The following PLEKHG1 variants were observed in gnomAD, a reference collection of about 807,000 sequenced individuals.
The protein encoded by PLEKHG1 is pleckstrin homology domain-containing family G member 1.
A neutral mutation model predicts 100.8 loss-of-function variants in PLEKHG1; 44 were observed. That is an observed-to-expected ratio of 0.44 (90% CI 0.34 to 0.56). The LOEUF is 0.56. PLEKHG1 is among the 20% of genes least tolerant of loss of function. The pLI, the probability that PLEKHG1 is intolerant of heterozygous loss-of-function variation, is 0.01. For synonymous variants in PLEKHG1, 640 were observed against 662.5 expected (o/e 0.97, Z 0.52); for missense variants, 1,545 against 1,720.9 (o/e 0.90, Z 1.81).
At chr6:150,720,614 C>A (rs1562459895), upstream of PLEKHG1, among the ~76,000 whole-genome samples, 1 of 151,716 alleles carries the variant, frequency 6.6e-6, no homozygotes, top group African/African-American at 2.4e-5. Context: ...TATTCACACC[C>A]CACCCCCACC....
At chr6:150,768,906 A>G (rs186773114) in intron 3 of PLEKHG1, among the ~76,000 whole-genome samples, 168 bp downstream of exon 4, 2 of 152,232 alleles carry the variant, frequency 1.3e-5, no homozygotes, top group East Asian at 3.9e-4. Context: ...TTTCCTTATG[A>G]GTCTCACATG....
At chr6:150,699,648 A>C (rs1027876382) in intron 3 of PLEKHG1, among the ~76,000 whole-genome samples, 2 of 152,200 alleles carry the variant, frequency 1.3e-5, no homozygotes, top group African/African-American at 4.8e-5. Flanking sequence ...GTCATACCAT[A>C]GGCCTATTAA....
At chr6:150,815,938 C>T (rs1787839064) in intron 10 of PLEKHG1, among the ~76,000 whole-genome samples, 2 of 152,112 alleles carry the variant, frequency 1.3e-5, no homozygotes, top group Admixed American at 6.5e-5. Flanking sequence ...AATTTTTCCA[C>T]GGATGGAGGC....
At chr6:150,623,973 T>C (rs1287306523) in intron 1 of PLEKHG1, among the ~76,000 whole-genome samples, 1 of 152,232 alleles carries the variant, frequency 6.6e-6, no homozygotes, top group Non-Finnish European at 1.5e-5. Context: ...GCAGTTGAGC[T>C]GGATGCAGTA....
chr6:150,624,505 G>A (rs1476927887), intron 1 of PLEKHG1, among the ~76,000 whole-genome samples: 4 of 152,174 alleles, frequency 2.6e-5, no homozygotes, highest in African/African-American at 9.6e-5. Context: ...CAGCCAGGAC[G>A]ATTTTACTTT....
intron 2 of PLEKHG1, among the ~76,000 whole-genome samples, chr6:150,747,811 G>A (rs1349773626): frequency 1.3e-5 from 2 of 151,790 alleles, no homozygotes; most frequent in Admixed American, 6.6e-5. Flanking sequence ...CAGGAGAATC[G>A]CTTGAACTCA....
chr6:150,666,694 C>A (rs993173127), intron 3 of PLEKHG1, among the ~76,000 whole-genome samples: 1 of 152,066 alleles, frequency 6.6e-6, no homozygotes, highest in Admixed American at 6.5e-5. Flanking sequence ...ATGTCAGAGA[C>A]TGAGCTGGAA....
chr6:150,829,380 A>G (rs1165703016), intron 14 of PLEKHG1, among the ~76,000 whole-genome samples: 2 of 152,188 alleles, frequency 1.3e-5, no homozygotes, highest in Non-Finnish European at 2.9e-5. Context: ...TTGGGAGGCC[A>G]AGGTGGGCGG....
At chr6:150,633,724 T>C (rs1777860026) in intron 1 of PLEKHG1, among the ~76,000 whole-genome samples, 1 of 152,020 alleles carries the variant, frequency 6.6e-6, no homozygotes, top group Non-Finnish European at 1.5e-5. Flanking sequence ...CAGAAGATAC[T>C]AATGGCCGAG....
intron 5 of PLEKHG1, among the ~76,000 whole-genome samples, chr6:150,796,217 C>T (rs1786324091): frequency 6.6e-6 from 1 of 152,182 alleles, no homozygotes; most frequent in African/African-American, 2.4e-5. Flanking sequence ...CCTGCTCACC[C>T]TTTTCTGTGT....
At chr6:150,841,912 C>T (rs1583235071) in exon 16 of PLEKHG1, 1 of 152,220 alleles carries the variant, frequency 6.6e-6, no homozygotes, top group Admixed American at 6.5e-5. Flanking sequence ...CCTGAGGAGT[C>T]ATTGGCTGCA....
chr6:150,817,378 C>T (rs142429926), intron 10 of PLEKHG1, among the ~76,000 whole-genome samples: 1 of 152,226 alleles, frequency 6.6e-6, no homozygotes, highest in Non-Finnish European at 1.5e-5. Context: ...ATGATAATCA[C>T]AGCATTCTGC....
At chr6:150,812,163 A>G (rs1787569117) in intron 10 of PLEKHG1, among the ~76,000 whole-genome samples, 1 of 152,174 alleles carries the variant, frequency 6.6e-6, no homozygotes, top group Non-Finnish European at 1.5e-5. Context: ...CTCTGCTCTC[A>G]CTGGCACCCG....
At chr6:150,666,224 C>G (rs146514066) in intron 3 of PLEKHG1, among the ~76,000 whole-genome samples, 1 of 152,200 alleles carries the variant, frequency 6.6e-6, no homozygotes, top group Non-Finnish European at 1.5e-5. Context: ...CCACTTTCTG[C>G]AATCCAATGG....
At chr6:150,790,836 A>G (rs1200857448) in intron 4 of PLEKHG1, among the ~76,000 whole-genome samples, 1 of 152,048 alleles carries the variant, frequency 6.6e-6, no homozygotes, top group Non-Finnish European at 1.5e-5. Flanking sequence ...AGCTTGACCA[A>G]CGTGATGAAA....
At chr6:150,828,188 G>A in intron 14 of PLEKHG1, 2 of 1,613,862 alleles carry the variant, frequency 1.2e-6, no homozygotes, top group East Asian at 2.2e-5. Context: ...GAGATATCAA[G>A]GCTCAGTTTA....
At chr6:150,650,575 G>A (rs1778690313) in intron 2 of PLEKHG1, among the ~76,000 whole-genome samples, 153 bp from the exon 2 acceptor site, 1 of 152,140 alleles carries the variant, frequency 6.6e-6, no homozygotes, top group Non-Finnish European at 1.5e-5. Flanking sequence ...GCATGATATG[G>A]CCTTTTCCTG....
At chr6:150,752,919 C>G (rs1783603400) in intron 2 of PLEKHG1, among the ~76,000 whole-genome samples, 1 of 152,102 alleles carries the variant, frequency 6.6e-6, no homozygotes, top group Non-Finnish European at 1.5e-5. Flanking sequence ...AAAAGCCAGC[C>G]TCGGCAACAT....
At chr6:150,617,266 C>T (rs962174282) in intron 1 of PLEKHG1, among the ~76,000 whole-genome samples, 3 of 152,186 alleles carry the variant, frequency 2.0e-5, no homozygotes, top group African/African-American at 7.2e-5. Context: ...TTTAATCACA[C>T]TTGTTTTCAT....
Sources: gnomAD v4.1 joint callset for allele counts (sites outside exome capture counted in the v4.1 genomes callset) on GRCh38, gnomAD v4.1.1 for gene constraint, MANE v1.5 for transcripts, NCBI Gene and HGNC (gene_info 2026-07-23, HGNC 2026-07-21) for gene names.